LRIG3: variants seen among roughly 807,000 people sequenced by gnomAD.
LRIG3 encodes leucine rich repeats and immunoglobulin like domains 3.
A neutral mutation model predicts 114.5 loss-of-function variants in LRIG3; 76 were observed. The observed-to-expected ratio is 0.66, with a 90% CI of 0.55 to 0.80. The LOEUF (loss-of-function observed/expected upper bound fraction) is 0.80, where lower values mean the gene tolerates loss of function less well. LRIG3 is among the 30% of genes least tolerant of loss of function. LRIG3 has a pLI of 0.00. For missense variants in LRIG3, 1,239 were observed against 1,382.8 expected, an observed-to-expected ratio of 0.90 and a Z score of 1.65; for synonymous variants, 512 against 519.8, an observed-to-expected ratio of 0.98 and a Z score of 0.20.
intron 4 of LRIG3, 46 bp downstream of exon 4, chr12:58,890,619 A>G (rs1439714180): frequency 1.3e-6 from 2 of 1,501,408 alleles, no homozygotes; most frequent in South Asian, 1.4e-5. Flanking sequence ...TCATTGTAAT[A>G]TTTTCATTAC....
chr12:58,915,077 A>G (rs1872427527), intron 1 of LRIG3, among the ~76,000 whole-genome samples: 2 of 152,232 alleles, frequency 1.3e-5, no homozygotes, highest in Non-Finnish European at 2.9e-5. Context: ...ATTACTATTA[A>G]AAACAATAAC....
chr12:58,895,030 TG>T (rs1871591309), intron 3 of LRIG3, among the ~76,000 whole-genome samples: 1 of 152,242 alleles, frequency 6.6e-6, no homozygotes, highest in African/African-American at 2.4e-5. Context: ...CCACGTATTT[TG>T]GCCTCAGCTT....
At chr12:58,882,451 T>C (rs1182153173) in intron 12 of LRIG3, among the ~76,000 whole-genome samples, 1 of 152,228 alleles carries the variant, frequency 6.6e-6, no homozygotes, top group Non-Finnish European at 1.5e-5. Flanking sequence ...ATAGTTAATT[T>C]TTTAGCACCC....
chr12:58,914,152 C>T (rs2120987630), intron 2 of LRIG3, 96 bp from the exon 3 acceptor site: 1 of 1,508,754 alleles, frequency 6.6e-7, no homozygotes, highest in Non-Finnish European at 9.1e-7. Flanking sequence ...AAGATACCAC[C>T]CAAGTTAAAA....
At chr12:58,905,005 A>C (rs1170340450) in intron 3 of LRIG3, among the ~76,000 whole-genome samples, 1 of 152,238 alleles carries the variant, frequency 6.6e-6, no homozygotes. Flanking sequence ...CAGTGCAGGC[A>C]GGGTGAGTAT....
At chr12:58,881,150 A>G (rs1445136669) in intron 12 of LRIG3, among the ~76,000 whole-genome samples, 1 of 152,202 alleles carries the variant, frequency 6.6e-6, no homozygotes, top group African/African-American at 2.4e-5. Context: ...AAAGACTGTT[A>G]TTTTGGAGCT....
Position 58,920,410 on chromosome 12 carries a change from C to T in LRIG3, c.-175G>A, listed in dbSNP as rs1001223905. 11 of 444,486 alleles carry T rather than the reference C, an allele frequency of 2.5e-5. No individual in the cohort carries two copies. The highest frequency in any genetic ancestry group is 2.7e-5 in the Non-Finnish European group (7 of 261,272). 27.5% of individuals were successfully genotyped at this position (444,486 alleles called of 1,614,324 possible). A position where few individuals can be genotyped will look rare whatever the true frequency, so the allele number is the denominator to read the frequency against. ...TCCCGGCGGCGAAGCCCTTTCATGCCCCCAAACAGCAGGAGGGAAACCGAA... is the reference window on the plus strand; with the variant it reads ...TCCCGGCGGCGAAGCCCTTTCATGCTCCCAAACAGCAGGAGGGAAACCGAA... On this transcript the variant is annotated 5_prime_UTR_variant, in exon 1 of 19. Coordinates refer to ENST00000320743, the MANE Select transcript of LRIG3 (RefSeq NM_153377.5).
intron 3 of LRIG3, among the ~76,000 whole-genome samples, chr12:58,893,048 G>GA (rs1871509362): frequency 6.6e-6 from 1 of 152,184 alleles, no homozygotes. Flanking sequence ...GAATGCCCCA[G>GA]AACAGAGGCC....
chr12:58,899,422 T>C (rs1871762370), intron 3 of LRIG3, among the ~76,000 whole-genome samples: 1 of 152,196 alleles, frequency 6.6e-6, no homozygotes, highest in South Asian at 2.1e-4. Context: ...TTTCCTCCCA[T>C]GACTTCCATA....
Position 58,878,954 on chromosome 12 carries a change from G to A in LRIG3, c.1953C>T (p.Arg651=). 6.2e-7 allele frequency: 1 copy of A among 1,614,196 alleles called. No homozygotes were observed. Among genetic ancestry groups the A allele is most frequent in the Non-Finnish European group, 8.5e-7 (1 of 1,180,040 alleles). ...GTDFPAARER[R]MHVMPEDDVF... is the part of the protein sequence containing the mutation. ...CGTCATCCTCGGGCATCACATGCAT[G>A]CGTCTCTCCCGTGCAGCTGGGAAGT... Residue 651 remains arginine, a synonymous_variant, in exon 14 of 19, where the codon CGC becomes CGT. Coordinates refer to ENST00000320743, the MANE Select transcript of LRIG3 (RefSeq NM_153377.5).
intron 12 of LRIG3, among the ~76,000 whole-genome samples, chr12:58,882,292 T>C (rs991384409): frequency 6.6e-5 from 10 of 152,232 alleles, no homozygotes; most frequent in Non-Finnish European, 1.5e-4. Context: ...AAACTTTTCT[T>C]TTAAATCCAG....
rs1198377146 is a variant in LRIG3, at chr12:58,874,440, T to C, written c.2829A>G (p.Thr943=). The C allele has an allele frequency of 1.2e-6, 2 of 1,614,176 alleles. No homozygotes were observed. The highest frequency in any genetic ancestry group is 1.7e-5 in the Admixed American group (1 of 60,028). The change falls in exon 17 of 19, where the codon ACA becomes ACG. Residue 943 remains threonine (T), a synonymous_variant. Transcript: ENST00000320743. ...AAGAAAACCACCTACCTGTATGATA[T>C]GTTTCAAAAGGATCTGAGCCATACA... The part of the protein sequence containing the change: ...GNVYGSDPFE[T]YHTGCSPDPR...
intron 3 of LRIG3, among the ~76,000 whole-genome samples, chr12:58,912,625 T>C (rs555397843): frequency 6.6e-6 from 1 of 152,352 alleles, no homozygotes; most frequent in East Asian, 1.9e-4. Context: ...ATTACAAAAC[T>C]GCACTGCAGA....
chr12:58,909,279 A>C (rs1021894066), intron 3 of LRIG3, among the ~76,000 whole-genome samples: 1 of 152,154 alleles, frequency 6.6e-6, no homozygotes, highest in Non-Finnish European at 1.5e-5. Context: ...TCTGAATCCT[A>C]ATCTTAGAAC....
chr12:58,900,331 C>A (rs1188816718), intron 3 of LRIG3, among the ~76,000 whole-genome samples: 1 of 151,090 alleles, frequency 6.6e-6, no homozygotes, highest in African/African-American at 2.4e-5. Context: ...AAGTCAGTTA[C>A]AATTTATCCA....
intron 3 of LRIG3, among the ~76,000 whole-genome samples, chr12:58,913,273 AATT>A (rs1047294496): frequency 2.9e-4 from 44 of 152,352 alleles, no homozygotes; most frequent in African/African-American, 8.4e-4. Context: ...GTGGTAAGCT[AATT>A]AGATTTTAGA....
chr12:58,874,392 A>C, intron 17 of LRIG3, 38 bp downstream of exon 17: 3 of 1,611,418 alleles, frequency 1.9e-6, no homozygotes, highest in Non-Finnish European at 2.5e-6. Flanking sequence ...AAGTCTCTCT[A>C]AGAAACAGAA....
intron 9 of LRIG3, 69 bp downstream of exon 9, chr12:58,886,741 G>T: frequency 1.6e-6 from 2 of 1,284,436 alleles, no homozygotes; most frequent in Non-Finnish European, 2.3e-6. Context: ...AACTTGTATA[G>T]CTGACTTCAG....
chr12:58,894,913 G>A (rs1871587279), intron 3 of LRIG3, among the ~76,000 whole-genome samples: 1 of 152,182 alleles, frequency 6.6e-6, no homozygotes, highest in African/African-American at 2.4e-5. Context: ...TTTCTGAAGT[G>A]AAGTATAATT....
Sources: gnomAD v4.1 joint callset for allele counts (sites outside exome capture counted in the v4.1 genomes callset) on GRCh38, gnomAD v4.1.1 for gene constraint, MANE v1.5 for transcripts, NCBI Gene and HGNC (gene_info 2026-07-23, HGNC 2026-07-21) for gene names.